Variants in SLC25A17 observed in about 807,000 individuals in gnomAD.
The protein encoded by SLC25A17 is peroxisomal membrane protein PMP34.
A neutral mutation model predicts 38.5 loss-of-function variants in SLC25A17; 26 were observed. That is an observed-to-expected ratio of 0.68 (90% CI 0.50 to 0.94). The LOEUF is 0.94. SLC25A17 is among the 40% of genes least tolerant of loss of function. The pLI is 0.00. For missense variants in SLC25A17, 333 were observed against 372.7 expected (o/e 0.89, Z 0.88); for synonymous variants, 139 against 136.2 (o/e 1.02, Z -0.14).
At position 40,797,371 on chromosome 22, in the gene SLC25A17, G is replaced by T. The variant is rs1228688613; in HGVS notation, c.115+1652C>A. The stretch of plus-strand genomic sequence containing the variant: ...AAACAAGCAAGAATCACAGTGAGTT[G>T]TAGAGTCCCATAAAGCTGCAAAGGC... On this transcript the variant is annotated intron_variant, in intron 2 of 8. Coordinates refer to ENST00000435456, the MANE Select transcript of SLC25A17 (RefSeq NM_006358.4). 4 of 1,203,796 alleles carry T rather than the reference G, an allele frequency of 3.3e-6. No individual in the cohort carries two copies. In the East Asian group the frequency reaches 1.7e-4, roughly 51 times the overall value. The allele number at this position is 1,203,796 out of a possible 1,614,324, so 74.6% of individuals were successfully genotyped here.
intron 4 of SLC25A17, among the ~76,000 whole-genome samples, chr22:40,781,178 A>T (rs1368107271): frequency 1.3e-5 from 2 of 152,088 alleles, no homozygotes; most frequent in Non-Finnish European, 2.9e-5. Flanking sequence ...TCTTATTAAA[A>T]AAAGAAAAAA....
At chr22:40,792,166 A>G (rs1387525769) in intron 4 of SLC25A17, among the ~76,000 whole-genome samples, 2 of 152,226 alleles carry the variant, frequency 1.3e-5, no homozygotes, top group Non-Finnish European at 2.9e-5. Flanking sequence ...GATTCGACTT[A>G]TATCAAGTAT....
At chr22:40,805,619 C>G (rs1219808426) in intron 1 of SLC25A17, among the ~76,000 whole-genome samples, 1 of 152,086 alleles carries the variant, frequency 6.6e-6, no homozygotes, top group African/African-American at 2.4e-5. Context: ...CTAATGAGAG[C>G]TGATGAGCTT....
rs775875016 is a variant in SLC25A17 at position 40,774,033 on chromosome 22, GA to G, written c.694-15del. ...ATGACGCCCAAACTGAGGAAAGAGGGAAAAAAAACAAAAGTACTGTTGCTGT... is the reference window on the plus strand; with the variant it reads ...ATGACGCCCAAACTGAGGAAAGAGGGAAAAAAACAAAAGTACTGTTGCTGT... On this transcript the variant is annotated splice_polypyrimidine_tract_variant and intron_variant, in intron 7 of 8. Transcript: ENST00000435456. 10 of 1,549,630 alleles carry G rather than the reference GA, an allele frequency of 6.5e-6. No individual in the cohort carries two copies. Among genetic ancestry groups the G allele is most frequent in the Non-Finnish European group, 8.9e-6 (10 of 1,126,714 alleles).
At chr22:40,784,649 C>A in intron 4 of SLC25A17, 1 of 184,318 alleles carries the variant, frequency 5.4e-6, no homozygotes, top group South Asian at 7.5e-5. Flanking sequence ...GGTGGCATCC[C>A]TGTAGTCCTA....
chr22:40,782,438 A>G (rs759474311), intron 4 of SLC25A17, among the ~76,000 whole-genome samples: 7 of 152,258 alleles, frequency 4.6e-5, no homozygotes, highest in Non-Finnish European at 7.3e-5. Flanking sequence ...TAAGAGATGA[A>G]TAACAGTAAT....
chr22:40,776,906 GA>G (rs946788302), intron 7 of SLC25A17, 133 bp downstream of exon 7: 13 of 786,608 alleles, frequency 1.7e-5, no homozygotes, highest in Non-Finnish European at 4.0e-6. Context: ...AAAAAGAAAA[GA>G]AAAAAAACAG....
chr22:40,818,564 G>C (rs1419596888), intron 1 of SLC25A17, among the ~76,000 whole-genome samples: 1 of 151,958 alleles, frequency 6.6e-6, no homozygotes, highest in African/African-American at 2.4e-5. Context: ...AATGTAGCCG[G>C]GTGTGGTGGC....
At chr22:40,792,164 T>C (rs1383277379) in intron 4 of SLC25A17, among the ~76,000 whole-genome samples, 2 of 152,166 alleles carry the variant, frequency 1.3e-5, no homozygotes, top group African/African-American at 4.8e-5. Context: ...ATGATTCGAC[T>C]TATATCAAGT....
intron 4 of SLC25A17, chr22:40,788,648 G>A (rs543765360): frequency 4.0e-4 from 66 of 163,474 alleles, no homozygotes; most frequent in Non-Finnish European, 6.6e-4. Flanking sequence ...CCAAGATCAC[G>A]CCACTGCACT....
chr22:40,803,438 CATA>C (rs1371821030), intron 1 of SLC25A17, among the ~76,000 whole-genome samples: 3 of 152,198 alleles, frequency 2.0e-5, no homozygotes, highest in Non-Finnish European at 4.4e-5. Context: ...CTTCACTTAA[CATA>C]ATATTTATTG....
At chr22:40,814,402 C>T (rs143661178) in intron 1 of SLC25A17, among the ~76,000 whole-genome samples, 5 of 152,264 alleles carry the variant, frequency 3.3e-5, no homozygotes, top group Admixed American at 1.3e-4. Flanking sequence ...TTTTTCCTCA[C>T]CCTTTTCTCT....
chr22:40,810,708 A>G (rs2057572808), intron 1 of SLC25A17, among the ~76,000 whole-genome samples: 1 of 152,238 alleles, frequency 6.6e-6, no homozygotes, highest in African/African-American at 2.4e-5. Flanking sequence ...AAAAAATCAC[A>G]TAGTATAAAT....
chr22:40,808,130 CATCT>C (rs1008209264), intron 1 of SLC25A17, among the ~76,000 whole-genome samples: 7 of 152,018 alleles, frequency 4.6e-5, no homozygotes, highest in African/African-American at 9.7e-5. Flanking sequence ...GAATTCTAAC[CATCT>C]ATCTGAGTGG....
Position 40,779,018 on chromosome 22 carries a change from CT to C in SLC25A17, c.441del (p.Gly148ValfsTer42). 1 of 1,612,878 alleles carries C rather than the reference CT, an allele frequency of 6.2e-7. No homozygotes were observed. Among genetic ancestry groups the C allele is most frequent in the South Asian group, 1.1e-5 (1 of 91,044 alleles). ...GCAAAGAGATACTTACCAATGATAC[CT>C]TTGTAGTTTGTTGGTACAATGTCTT... ...RNEDIVPTNY[K>X]GIIDAFHQII... is the part of the protein sequence containing the mutation. On this transcript the variant is annotated frameshift_variant, in exon 5 of 9. Coordinates refer to ENST00000435456, the MANE Select transcript of SLC25A17 (RefSeq NM_006358.4). LOFTEE classifies it high-confidence loss of function.
In SLC25A17 at chr22:40,788,731, C is replaced by T. The variant is rs1745506529; in HGVS notation, c.334+3794G>A. On this transcript the variant is annotated intron_variant, in intron 4 of 8. Transcript: ENST00000435456. ...AATAAAATAAAAACAAAACAAAACA[C>T]TGAAATACTGGAAGACAGTGAATGA... The T allele has an allele frequency of 1.3e-5, 3 of 234,270 alleles. No homozygotes were observed. In the South Asian group the frequency reaches 2.1e-4, roughly 16 times the overall value. 14.5% of individuals were successfully genotyped at this position (234,270 alleles called of 1,614,324 possible).
At chr22:40,775,867 T>C (rs1369441986) in intron 7 of SLC25A17, among the ~76,000 whole-genome samples, 2 of 152,226 alleles carry the variant, frequency 1.3e-5, no homozygotes, top group Non-Finnish European at 2.9e-5. Context: ...GTAAGTTTCC[T>C]GAGGCCCCCC....
chr22:40,777,769 A>G (rs943187714), intron 5 of SLC25A17, among the ~76,000 whole-genome samples: 1 of 151,562 alleles, frequency 6.6e-6, no homozygotes, highest in East Asian at 1.9e-4. Flanking sequence ...GTGACAGAGC[A>G]AGACTCCATT....
At chr22:40,772,723 A>G (rs145504700) in intron 8 of SLC25A17, among the ~76,000 whole-genome samples, 21 of 151,888 alleles carry the variant, frequency 1.4e-4, no homozygotes, top group African/African-American at 4.8e-4. Flanking sequence ...TACAGCCTCA[A>G]TCTGCCGGGC....
Sources: gnomAD v4.1 joint callset for allele counts (sites outside exome capture counted in the v4.1 genomes callset) on GRCh38, gnomAD v4.1.1 for gene constraint, MANE v1.5 for transcripts, NCBI Gene and HGNC (gene_info 2026-07-23, HGNC 2026-07-21) for gene names.